SH2D6: variants seen among roughly 807,000 people sequenced by gnomAD.
SH2D6 encodes SH2 domain containing 6, also known as SH2 domain-containing protein 6.
SH2D6 carries 31 observed loss-of-function variants against 30.2 expected under a neutral mutation model. The ratio of observed to expected loss-of-function variants is 1.03; its 90% CI spans 0.77 to 1.38. The LOEUF is 1.38. SH2D6 is among the 40% of genes most tolerant of loss of function. SH2D6 has a pLI of 0.00. For missense variants in SH2D6, 240 were observed against 266.8 expected (o/e 0.90, Z 0.70); for synonymous variants, 93 against 104.6 (o/e 0.89, Z 0.68).
intron 5 of SH2D6, among the ~76,000 whole-genome samples, chr2:85,424,221 C>G (rs1187038093): frequency 6.6e-6 from 1 of 152,216 alleles, no homozygotes; most frequent in Non-Finnish European, 1.5e-5. Flanking sequence ...ATCCTTGTGT[C>G]ATCAGTACCT....
At chr2:85,436,161 G>A (rs867396260) in intron 22 of SH2D6, among the ~76,000 whole-genome samples, 10 of 152,278 alleles carry the variant, frequency 6.6e-5, no homozygotes, top group Non-Finnish European at 1.5e-4. Flanking sequence ...ATGCAAACTA[G>A]AGACACCCAT....
chr2:85,427,799 A>ATT (rs1688185455), intron 6 of SH2D6, among the ~76,000 whole-genome samples: 1 of 152,194 alleles, frequency 6.6e-6, no homozygotes, highest in South Asian at 2.1e-4. Context: ...TTTGTACCAA[A>ATT]TGGGCTCCCT....
chr2:85,428,183 C>T (rs556295534), intron 6 of SH2D6, among the ~76,000 whole-genome samples: 16 of 152,282 alleles, frequency 1.1e-4, no homozygotes, highest in Admixed American at 9.8e-4. Context: ...AACAGAGCCC[C>T]TGGAAGTCAT....
intron 14 of SH2D6, 52 bp from the exon 15 acceptor site, chr2:85,433,047 C>T (rs566332059): frequency 3.0e-5 from 30 of 985,828 alleles, no homozygotes; most frequent in Non-Finnish European, 3.6e-5. Flanking sequence ...CCGCTGAATT[C>T]CTTTCTGCTC....
chr2:85,426,819 T>G (rs1291843958), intron 6 of SH2D6, among the ~76,000 whole-genome samples: 2 of 152,238 alleles, frequency 1.3e-5, no homozygotes, highest in Non-Finnish European at 2.9e-5. Context: ...AGCCAGTTGG[T>G]CAGAAGTTCT....
Position 85,430,580 on chromosome 2 carries a change from C to T in SH2D6, c.178C>T (p.Pro60Ser), listed in dbSNP as rs1240677935. Residue 60 changes from proline (P) to serine (S), a missense_variant, in exon 12 of 24, where the codon CCC (proline) becomes TCC (serine). Pro to Ser is a moderately conservative substitution (Grantham distance 74). Coordinates refer to ENST00000469800, the MANE Select transcript of SH2D6 (RefSeq NM_001394463.1). This position sits in a 1 kb window ranked among gnomAD's most constrained non-coding sequence, Gnocchi z 4.3. ...GGAGGAAAATAAGTATGAGCTGCCCCCCTGTGAGGCTCTGCCCCTCAGTCT... is the reference window on the plus strand; with the variant it reads ...GGAGGAAAATAAGTATGAGCTGCCCTCCTGTGAGGCTCTGCCCCTCAGTCT... ...DEEENKYELP[P>S]CEALPLSLAP... is the part of the protein sequence containing the mutation. 6.5e-6 allele frequency: 1 copy of T among 153,128 alleles called. No homozygotes were observed. The highest frequency in any genetic ancestry group is 1.5e-5 in the Non-Finnish European group (1 of 68,462). The allele number at this position is 153,128 out of a possible 1,614,324, so 9.5% of individuals were successfully genotyped here.
At position 85,429,174 on chromosome 2, in the gene SH2D6, G is replaced by C. The variant is rs114006128; in HGVS notation, c.-94-198G>C. Among the ~76,000 whole-genome samples the C allele has an allele frequency of 5.8e-3, 887 of 152,350 alleles. 5 individuals carry two copies. Among genetic ancestry groups the C allele is most frequent in the Non-Finnish European group, 0.01 (693 of 68,032 alleles). On this transcript the variant is annotated intron_variant, in intron 7 of 23. Transcript: ENST00000469800. ...TCTATGAGTTGAGAAAGGTGACACT[G>C]ATCAGAGAGCTGAAGGAAGCCTGAG...
rs1346245902 is a variant in SH2D6, at chr2:85,432,404, G to GT, written c.370+449dup. Among the ~76,000 whole-genome samples the GT allele has an allele frequency of 3.2e-3, 478 of 149,632 alleles. 7 individuals are homozygous for GT. The highest frequency in any genetic ancestry group is 0.011 in the African/African-American group (458 of 40,412). On this transcript the variant is annotated intron_variant, in intron 14 of 23. Coordinates refer to ENST00000469800, the MANE Select transcript of SH2D6 (RefSeq NM_001394463.1). The stretch of plus-strand genomic sequence containing the variant: ...TTATTTATTTTTTTTGTTTTGTTTT[G>GT]TTTTGTTTTTTTTTTGAGACGGAGT...
intron 5 of SH2D6, among the ~76,000 whole-genome samples, chr2:85,423,752 C>T (rs1324518686): frequency 2.0e-5 from 3 of 152,226 alleles, no homozygotes; most frequent in Non-Finnish European, 4.4e-5. Flanking sequence ...CAGCAGCAGG[C>T]GAGGGAGGAA....
At chr2:85,429,748 C>CT (rs1460497592) in intron 9 of SH2D6, 136 bp downstream of exon 9, 4 of 152,864 alleles carry the variant, frequency 2.6e-5, no homozygotes, top group African/African-American at 9.7e-5. Flanking sequence ...ATTCACGCGC[C>CT]TCCACTTCCT....
Position 85,435,796 on chromosome 2 carries a change from T to C in SH2D6, c.863T>C (p.Leu288Pro). Residue 288 changes from leucine to proline, a missense_variant, in exon 22 of 24, where the codon CTG becomes CCG. Leu to Pro is a moderately conservative substitution (Grantham distance 98). Coordinates refer to ENST00000469800, the MANE Select transcript of SH2D6 (RefSeq NM_001394463.1). ...RRLDGGRHYA[L>P]GREGRNREEL... ...CTGGATGGCGGACGCCACTATGCCC[T>C]GGGCCGGGAGGGCAGGAACCGTGAG... The C allele has an allele frequency of 6.2e-7, 1 of 1,601,624 alleles. No individual in the cohort carries two copies. Among genetic ancestry groups the C allele is most frequent in the Non-Finnish European group, 8.5e-7 (1 of 1,174,260 alleles).
intron 6 of SH2D6, among the ~76,000 whole-genome samples, chr2:85,426,086 C>A (rs36118887): frequency 6.6e-6 from 1 of 151,976 alleles, no homozygotes; most frequent in Non-Finnish European, 1.5e-5. Context: ...CACATCTCCG[C>A]GGCTCTTCCT....
chr2:85,432,594 G>T (rs1033053459), intron 14 of SH2D6, among the ~76,000 whole-genome samples: 31 of 152,036 alleles, frequency 2.0e-4, no homozygotes, highest in African/African-American at 6.5e-4. Context: ...TAGAGACGGG[G>T]TTTCACCGTG....
At chr2:85,435,966 C>G (rs1689408989) in intron 22 of SH2D6, 142 bp downstream of exon 22, 2 of 1,212,806 alleles carry the variant, frequency 1.6e-6, no homozygotes, top group Non-Finnish European at 2.2e-6. Context: ...GAGCCCTGAA[C>G]TCCTTCCAGA....
rs774504011 is a variant in SH2D6, at chr2:85,435,789, T to C, written c.856T>C (p.Tyr286His). 2 of 1,604,014 alleles carry C rather than the reference T, an allele frequency of 1.2e-6. No individual in the cohort carries two copies. The highest frequency in any genetic ancestry group is 1.3e-5 in the African/African-American group (1 of 74,910). The change falls in exon 22 of 24, where the codon TAT (tyrosine) becomes CAT (histidine). Residue 286 changes from tyrosine to histidine, a missense_variant. Physicochemically the swap from Tyr to His is moderately conservative, Grantham distance 83 (BLOSUM62 2). Coordinates refer to ENST00000469800, the MANE Select transcript of SH2D6 (RefSeq NM_001394463.1). ...PIRRLDGGRH[Y>H]ALGREGRNRE... ...CCGGCGGCTGGATGGCGGACGCCAC[T>C]ATGCCCTGGGCCGGGAGGGCAGGAA...
rs546799371 is a variant in SH2D6 at position 85,432,561 on chromosome 2, C to T, written c.371-538C>T. Among the ~76,000 whole-genome samples, 142 of 151,928 alleles carry T rather than the reference C, an allele frequency of 9.3e-4. 2 individuals carry two copies. The highest frequency in any genetic ancestry group is 3.2e-3 in the African/African-American group (133 of 41,440). On this transcript the variant is annotated intron_variant, in intron 14 of 23. Coordinates refer to ENST00000469800, the MANE Select transcript of SH2D6 (RefSeq NM_001394463.1). ...GACTACAGGCGCCCGCTACCACGCC[C>T]GGCTAATTTTTTGTATTTTTAGTAG...
At chr2:85,428,102 C>G (rs916546598) in intron 6 of SH2D6, among the ~76,000 whole-genome samples, 1 of 152,204 alleles carries the variant, frequency 6.6e-6, no homozygotes, top group Non-Finnish European at 1.5e-5. Context: ...AGACACCAGG[C>G]CCCAGCCCTC....
chr2:85,435,463 T>A lies in SH2D6; in HGVS notation c.699T>A (p.Tyr233Ter), dbSNP rs1277370021. 1 of 1,613,950 alleles carries A rather than the reference T, an allele frequency of 6.2e-7. No individual in the cohort carries two copies. ...GGTACTCGGGGAACTGTGACCGCTA[T>A]GCTGTTGAGAGTGCCCTGCTCCACT... is the stretch of plus-strand genomic sequence containing the variant. ...QPWYSGNCDRYAVESALLHLQ... is the reference protein window; with the variant it reads ...QPWYSGNCDR Residue 233 changes from tyrosine (Y) to a stop codon, truncating the protein, a stop_gained, in exon 21 of 24, where the codon TAT becomes TAA. Transcript: ENST00000469800. LOFTEE classifies it high-confidence loss of function.
chr2:85,420,292 G>A (rs1056195876), intron 2 of SH2D6, among the ~76,000 whole-genome samples: 14 of 152,220 alleles, frequency 9.2e-5, no homozygotes, highest in Admixed American at 3.3e-4. Flanking sequence ...GCTAATTTTC[G>A]TATTTTTAGT....
Sources: gnomAD v4.1 joint callset for allele counts (sites outside exome capture counted in the v4.1 genomes callset) on GRCh38, gnomAD v4.1.1 for gene constraint, Gnocchi (gnomAD v3.1) non-coding constraint, MANE v1.5 for transcripts, NCBI Gene and HGNC (gene_info 2026-07-23, HGNC 2026-07-21) for gene names.